Variants in KCNMA1 observed in about 807,000 individuals in gnomAD.
KCNMA1 encodes Calcium-activated potassium channel subunit alpha-1.
Under a neutral mutation model 140.0 loss-of-function variants are expected in KCNMA1, and 29 were observed. That is an observed-to-expected ratio of 0.21 (90% CI 0.15 to 0.28). The LOEUF (loss-of-function observed/expected upper bound fraction) is 0.28. KCNMA1 is among the 10% of genes least tolerant of loss of function. The pLI is 1.00. For missense variants in KCNMA1, 880 were observed against 1,602.2 expected (o/e 0.55, Z 7.70); for synonymous variants, 612 against 611.9 (o/e 1.00, Z 0.00).
At chr10:77,508,936 T>C (rs756975002) in intron 1 of KCNMA1, among the ~76,000 whole-genome samples, 11 of 152,218 alleles carry the variant, frequency 7.2e-5, no homozygotes, top group Admixed American at 1.3e-4. Context: ...TTATTCCACT[T>C]AGCATAATGT....
chr10:77,323,458 A>G (rs1221488523), intron 2 of KCNMA1, among the ~76,000 whole-genome samples: 1 of 152,150 alleles, frequency 6.6e-6, no homozygotes, highest in Non-Finnish European at 1.5e-5. Context: ...CTTTCTATCC[A>G]TGCCAGCTTG....
At chr10:76,986,304 A>G (rs11001960) in intron 19 of KCNMA1, among the ~76,000 whole-genome samples, 2,338 of 152,376 alleles carry the variant, frequency 0.015, 30 homozygotes, top group South Asian at 0.027. Context: ...TTTCCAATAC[A>G]TTCTGTAGAA....
Position 77,466,632 on chromosome 10 carries a change from T to C in KCNMA1, c.379-62609A>G, listed in dbSNP as rs368466654. 1.4e-4 allele frequency among the ~76,000 whole-genome samples: 21 copies of C among 152,280 alleles called. No homozygotes were observed. In the East Asian group the frequency reaches 1.7e-3, roughly 13 times the overall value. ...GTTCACTGCATTATATAATCAACCA[T>C]TGAAGGCTTCAATAGTCACAGAAAG... On this transcript the variant is annotated intron_variant, in intron 1 of 27. Coordinates refer to ENST00000286628, the MANE Select transcript of KCNMA1 (RefSeq NM_001161352.2).
At chr10:76,982,406 C>T (rs1410551144) in intron 19 of KCNMA1, among the ~76,000 whole-genome samples, 1 of 151,738 alleles carries the variant, frequency 6.6e-6, no homozygotes, top group Non-Finnish European at 1.5e-5. Flanking sequence ...TCCCGTATAT[C>T]CCCAGATGGA....
intron 23 of KCNMA1, among the ~76,000 whole-genome samples, chr10:76,942,542 C>T (rs1254208064): frequency 6.6e-6 from 1 of 152,160 alleles, no homozygotes; most frequent in African/African-American, 2.4e-5. Flanking sequence ...CTTGCTTATC[C>T]TGTGCTATAA....
At chr10:76,888,830 C>T (rs544672834) in intron 27 of KCNMA1, among the ~76,000 whole-genome samples, 4 of 152,118 alleles carry the variant, frequency 2.6e-5, no homozygotes, top group South Asian at 2.1e-4. Context: ...TTTGGGAGGC[C>T]GAGGTGGGTG....
intron 2 of KCNMA1, among the ~76,000 whole-genome samples, chr10:77,299,602 T>A (rs1181530772): frequency 6.6e-6 from 1 of 152,322 alleles, no homozygotes; most frequent in East Asian, 1.9e-4. Context: ...ACCCAGGTTG[T>A]TCTGGAACGC....
chr10:77,569,690 T>A (rs2070114953), intron 1 of KCNMA1, among the ~76,000 whole-genome samples: 1 of 152,288 alleles, frequency 6.6e-6, no homozygotes, highest in African/African-American at 2.4e-5. Context: ...GGACTTCATG[T>A]CTAAAACACC....
chr10:77,362,360 C>A (rs1293769568), intron 2 of KCNMA1, among the ~76,000 whole-genome samples: 1 of 92,386 alleles, frequency 1.1e-5, no homozygotes, highest in Non-Finnish European at 2.1e-5. Flanking sequence ...CCCACCCCCC[C>A]CACCCCACAC....
At chr10:77,589,817 T>C (rs956069984) in intron 1 of KCNMA1, among the ~76,000 whole-genome samples, 6 of 152,116 alleles carry the variant, frequency 3.9e-5, no homozygotes, top group African/African-American at 1.4e-4. Flanking sequence ...GCAGGATTTA[T>C]CGCAAAGAGG....
chr10:77,623,064 A>T (rs1423475456), intron 1 of KCNMA1, among the ~76,000 whole-genome samples: 1 of 152,202 alleles, frequency 6.6e-6, no homozygotes, highest in Non-Finnish European at 1.5e-5. Flanking sequence ...CACCATGAAA[A>T]TCATTTTAAA....
chr10:77,375,119 G>A (rs1265046931), intron 2 of KCNMA1, among the ~76,000 whole-genome samples: 10 of 152,188 alleles, frequency 6.6e-5, no homozygotes, highest in Non-Finnish European at 1.5e-4. Flanking sequence ...AGAAAGTGGT[G>A]AAGGTCACAG....
intron 1 of KCNMA1, among the ~76,000 whole-genome samples, chr10:77,417,191 T>C (rs1186674843): frequency 2.6e-5 from 4 of 152,238 alleles, no homozygotes; most frequent in Non-Finnish European, 4.4e-5. Context: ...GCTCTCCCTG[T>C]CCTGTCTCCA....
At chr10:77,621,262 G>A (rs2670137) in intron 1 of KCNMA1, among the ~76,000 whole-genome samples, 31,726 of 152,092 alleles carry the variant, frequency 0.21, 3,545 homozygotes, top group African/African-American at 0.23. Context: ...ATTCTCTGTC[G>A]CACCAACATC....
chr10:77,601,865 T>A (rs1480332820), intron 1 of KCNMA1, among the ~76,000 whole-genome samples: 1 of 152,086 alleles, frequency 6.6e-6, no homozygotes, highest in African/African-American at 2.4e-5. Flanking sequence ...CCAAAGCAGG[T>A]GGCGCAGACT....
intron 1 of KCNMA1, among the ~76,000 whole-genome samples, chr10:77,458,141 ACT>A (rs2097790283): frequency 1.3e-5 from 2 of 152,204 alleles, no homozygotes; most frequent in Admixed American, 6.5e-5. Context: ...AAAGAAACAC[ACT>A]GTCTGAATTC....
At chr10:77,527,733 G>A (rs1228352650) in intron 1 of KCNMA1, among the ~76,000 whole-genome samples, 4 of 152,186 alleles carry the variant, frequency 2.6e-5, no homozygotes, top group African/African-American at 7.2e-5. Flanking sequence ...AGGCTGGTGG[G>A]GAGTGAGGAG....
intron 2 of KCNMA1, among the ~76,000 whole-genome samples, chr10:77,296,288 A>G (rs1400939339): frequency 1.3e-5 from 2 of 152,178 alleles, no homozygotes; most frequent in Admixed American, 6.5e-5. Flanking sequence ...CCATGGACCA[A>G]AAAGTGTAGG....
At chr10:77,506,596 A>AGAGAGT in intron 1 of KCNMA1, among the ~76,000 whole-genome samples, 8 of 83,534 alleles carry the variant, frequency 9.6e-5, no homozygotes, top group Non-Finnish European at 1.2e-4. Flanking sequence ...AGAGAGAGAG[A>AGAGAGT]GTGTGTGTGT....
Sources: allele counts gnomAD v4.1 joint callset (sites outside exome capture counted in the v4.1 genomes callset), GRCh38; gene constraint gnomAD v4.1.1; transcripts MANE v1.5; gene names NCBI Gene and HGNC (gene_info 2026-07-23, HGNC 2026-07-21).